The following NFE2L2 variants were observed in gnomAD, a reference collection of about 807,000 sequenced individuals.
The protein encoded by NFE2L2 is nuclear factor erythroid 2-related factor 2.
Under a neutral mutation model 49.6 loss-of-function variants are expected in NFE2L2, and 20 were observed. The observed-to-expected ratio is 0.40, with a 90% CI of 0.28 to 0.59. The LOEUF is 0.59. NFE2L2 is among the 20% of genes least tolerant of loss of function. NFE2L2 has a pLI of 0.40. For missense variants in NFE2L2, 578 were observed against 714.2 expected, an observed-to-expected ratio of 0.81 and a Z score of 2.17; for synonymous variants, 244 against 256.5, an observed-to-expected ratio of 0.95 and a Z score of 0.47.
At chr2:177,250,740 G>A (rs1690308684) in intron 1 of NFE2L2, among the ~76,000 whole-genome samples, 1 of 152,214 alleles carries the variant, frequency 6.6e-6, no homozygotes. Flanking sequence ...GCTTCCTCAG[G>A]GAGGCTGCAC....
At position 177,263,927 on chromosome 2, in the gene NFE2L2, G is replaced by C. The variant is rs1457673561; in HGVS notation, c.45+605C>G. On this transcript the variant is annotated intron_variant, in intron 1 of 4. Coordinates refer to ENST00000397062, the MANE Select transcript of NFE2L2 (RefSeq NM_006164.5). ...AAGGCTGCCAGAGAGTGATCCGAGAGATGGATGACTTCGCAAAGCCGCGCC... is the reference window on the plus strand; with the variant it reads ...AAGGCTGCCAGAGAGTGATCCGAGACATGGATGACTTCGCAAAGCCGCGCC... 13 of 985,642 alleles carry C rather than the reference G, an allele frequency of 1.3e-5. No homozygotes were observed. In the South Asian group the frequency reaches 3.7e-4, roughly 28 times the overall value. 61.1% of individuals were successfully genotyped at this position (985,642 alleles called of 1,614,324 possible). A position where few individuals can be genotyped will look rare whatever the true frequency, so the allele number is the denominator to read the frequency against.
chr2:177,233,343 A>G lies in NFE2L2; in HGVS notation c.313-4T>C, dbSNP rs1689626869. 2 of 1,606,768 alleles carry G rather than the reference A, an allele frequency of 1.2e-6. No individual in the cohort carries two copies. The highest frequency in any genetic ancestry group is 2.2e-5 in the South Asian group (2 of 90,016). On this transcript the variant is annotated splice_polypyrimidine_tract_variant and splice_region_variant and intron_variant, in intron 2 of 4. Coordinates refer to ENST00000397062, the MANE Select transcript of NFE2L2 (RefSeq NM_006164.5). ...CTGATTTGGGAATGTGGGCAACCTGATAAAAGGGAATGACACAAAGGAAAA... is the reference window on the plus strand; with the variant it reads ...CTGATTTGGGAATGTGGGCAACCTGGTAAAAGGGAATGACACAAAGGAAAA...
At chr2:177,249,402 TG>T (rs772438948) in intron 1 of NFE2L2, among the ~76,000 whole-genome samples, 16 of 152,178 alleles carry the variant, frequency 1.1e-4, no homozygotes, top group Non-Finnish European at 2.4e-4. Context: ...TTGTAGCCTC[TG>T]GCCTTGGTCT....
intron 2 of NFE2L2, 84 bp from the exon 3 acceptor site, chr2:177,233,423 T>C: frequency 3.0e-6 from 3 of 1,005,008 alleles, no homozygotes; most frequent in Non-Finnish European, 4.5e-6. Flanking sequence ...TTGATGTTCA[T>C]AAAATATTTA....
chr2:177,231,403 A>T lies in NFE2L2; in HGVS notation c.1200T>A (p.Ser400=). The T allele has an allele frequency of 1.9e-6, 3 of 1,614,278 alleles. No individual in the cohort carries two copies. Among genetic ancestry groups the T allele is most frequent in the Non-Finnish European group, 2.5e-6 (3 of 1,180,048 alleles). ...GTGACAAGGGTTGTACCATATCCCC[A>T]GAAGAATGTACTGGTGTTTTAGGAC... The part of the protein sequence containing the change: ...QNGPKTPVHS[S]GDMVQPLSPS... The change falls in exon 5 of 5, where the codon TCT becomes TCA. Residue 400 remains serine, a synonymous_variant. Transcript: ENST00000397062.
At chr2:177,264,492 TC>T in intron 1 of NFE2L2, 39 bp downstream of exon 1, 1 of 1,515,584 alleles carries the variant, frequency 6.6e-7, no homozygotes. Context: ...CCCGCCCCCG[TC>T]CCGGCACCAC....
Position 177,232,545 on chromosome 2 carries a change from A to T in NFE2L2, c.441T>A (p.Ile147=), listed in dbSNP as rs1185894299. The change falls in exon 4 of 5, where the codon ATT becomes ATA. Residue 147 remains isoleucine, a synonymous_variant. Coordinates refer to ENST00000397062, the MANE Select transcript of NFE2L2 (RefSeq NM_006164.5). The part of the protein sequence containing the change: ...SATFQSLVPD[I]PGHIESPVFI... Reference sequence around the variant, plus strand: ...AGACTGGGCTCTCGATGTGACCGGGAATATCAGGAACAAGTGACTGAAACG... The same window carrying T: ...AGACTGGGCTCTCGATGTGACCGGGTATATCAGGAACAAGTGACTGAAACG... 1.2e-6 allele frequency: 2 copies of T among 1,613,998 alleles called. No individual in the cohort carries two copies. The highest frequency in any genetic ancestry group is 1.7e-5 in the Admixed American group (1 of 59,998).
At position 177,231,449 on chromosome 2, in the gene NFE2L2, G is replaced by A. The variant is rs1388921454; in HGVS notation, c.1154C>T (p.Pro385Leu). 2 of 1,614,100 alleles carry A rather than the reference G, an allele frequency of 1.2e-6. No homozygotes were observed. The highest frequency in any genetic ancestry group is 2.7e-5 in the African/African-American group (2 of 74,942). The change falls in exon 5 of 5, where the codon CCT becomes CTT. Residue 385 changes from proline to leucine, a missense_variant. By Grantham distance (98) the Pro-to-Leu change is moderately conservative. Coordinates refer to ENST00000397062, the MANE Select transcript of NFE2L2 (RefSeq NM_006164.5). ...AGGACCATTCTGTTTGACACTTCCA[G>A]GGGCACTATCTAGCTCTTCCACTTC... ...DSEVEELDSA[P>L]GSVKQNGPKT...
At chr2:177,241,458 C>T (rs1457303825) in intron 1 of NFE2L2, among the ~76,000 whole-genome samples, 1 of 152,060 alleles carries the variant, frequency 6.6e-6, no homozygotes, top group African/African-American at 2.4e-5. Flanking sequence ...TGAAGAAAAC[C>T]AGGTGGAACA....
At position 177,234,055 on chromosome 2, in the gene NFE2L2, G is replaced by C. The variant is rs2105458384; in HGVS notation, c.262C>G (p.Pro88Ala). Reference protein sequence around the residue: ...EETGEFLPIQPAQHIQSETSG... With the variant: ...EETGEFLPIQAAQHIQSETSG... ...GTTTCTGACTGGATGTGCTGGGCTG[G>C]CTGAATTGGGAGAAATTCACCTGTC... The change falls in exon 2 of 5, where the codon CCA becomes GCA. Residue 88 changes from proline to alanine, a missense_variant. Transcript: ENST00000397062. 1 of 1,614,186 alleles carries C rather than the reference G, an allele frequency of 6.2e-7. No homozygotes were observed. The highest frequency in any genetic ancestry group is 8.5e-7 in the Non-Finnish European group (1 of 1,180,038).
chr2:177,249,306 T>C (rs1376443041), intron 1 of NFE2L2, among the ~76,000 whole-genome samples: 3 of 152,224 alleles, frequency 2.0e-5, no homozygotes, highest in Admixed American at 2.0e-4. Flanking sequence ...ATGTCTGCTA[T>C]GTTTCCAAGT....
chr2:177,263,659 G>T, intron 1 of NFE2L2: 1 of 985,490 alleles, frequency 1.0e-6, no homozygotes, highest in African/African-American at 1.7e-5. Context: ...GCGCCACCAG[G>T]GGGCACCGCG....
intron 1 of NFE2L2, among the ~76,000 whole-genome samples, chr2:177,255,584 T>G (rs10188107): frequency 0.88 from 134,504 of 152,044 alleles, 59,646 homozygotes; most frequent in African/African-American, 0.93. Context: ...CATTGAGACA[T>G]GATCTTACTC....
intron 1 of NFE2L2, among the ~76,000 whole-genome samples, chr2:177,257,744 C>A (rs1183435724): frequency 1.3e-5 from 2 of 152,196 alleles, no homozygotes; most frequent in African/African-American, 4.8e-5. Context: ...CTGAGCTCCA[C>A]CTCCTGTCAG....
intron 1 of NFE2L2, among the ~76,000 whole-genome samples, chr2:177,257,465 C>T (rs181844919): frequency 5.6e-4 from 86 of 152,322 alleles, no homozygotes; most frequent in African/African-American, 1.9e-3. Flanking sequence ...TTCAAACACT[C>T]GCCAGGCACT....
chr2:177,259,926 C>T (rs1400931048), intron 1 of NFE2L2, among the ~76,000 whole-genome samples: 1 of 151,232 alleles, frequency 6.6e-6, no homozygotes, highest in Admixed American at 6.6e-5. Context: ...AGCAAGACTG[C>T]GTCTCAAAAA....
At chr2:177,254,080 T>G (rs1327720883) in intron 1 of NFE2L2, among the ~76,000 whole-genome samples, 2 of 152,202 alleles carry the variant, frequency 1.3e-5, no homozygotes, top group Non-Finnish European at 2.9e-5. Context: ...CCCAGAGAGA[T>G]ATGACATATA....
chr2:177,248,820 G>T (rs1228865267), intron 1 of NFE2L2, among the ~76,000 whole-genome samples: 2 of 152,110 alleles, frequency 1.3e-5, no homozygotes, highest in African/African-American at 2.4e-5. Flanking sequence ...ATAGGAATAA[G>T]AGCCTCCCAG....
Position 177,231,187 on chromosome 2 carries a change from T to G in NFE2L2, c.1416A>C (p.Lys472Asn). The stretch of plus-strand genomic sequence containing the variant: ...AGTCAACAACAGGGAGGTTAATGAT[T>G]TTTTCTACAGGGAATGGGATATGGA... ...KALHIPFPVE[K>N]IINLPVVDFN... The change falls in exon 5 of 5, where the codon AAA becomes AAC. Residue 472 changes from lysine to asparagine, a missense_variant. Physicochemically the swap from Lys to Asn is moderately conservative, Grantham distance 94 (BLOSUM62 0). This residue lies in a region of NFE2L2 where 117 missense variants were observed against 175.8 expected (regional missense o/e 0.67). Transcript: ENST00000397062. 1 of 1,614,128 alleles carries G rather than the reference T, an allele frequency of 6.2e-7. No homozygotes were observed. Among genetic ancestry groups the G allele is most frequent in the Non-Finnish European group, 8.5e-7 (1 of 1,180,008 alleles).
Sources: gnomAD v4.1 joint callset for allele counts (sites outside exome capture counted in the v4.1 genomes callset) on GRCh38, gnomAD v4.1.1 for gene constraint, gnomAD v4.1.1 regional missense constraint, MANE v1.5 for transcripts, NCBI Gene and HGNC (gene_info 2026-07-23, HGNC 2026-07-21) for gene names.